The following PTPRD variants were observed in gnomAD, a reference collection of about 807,000 sequenced individuals.
PTPRD encodes receptor-type tyrosine-protein phosphatase delta.
In PTPRD, 34 loss-of-function variants were observed where a neutral mutation model predicts 214.5. That is an observed-to-expected ratio of 0.16 (90% CI 0.12 to 0.21). The LOEUF (loss-of-function observed/expected upper bound fraction) is 0.21. Among genes scored for constraint, PTPRD ranks in the 10% least tolerant of loss-of-function variants. The probability of loss-of-function intolerance (pLI) is 1.00; values close to 1 mark genes in which losing one functional copy is unlikely to be tolerated. For synonymous variants in PTPRD, 1,128 were observed against 845.7 expected (o/e 1.33, Z -5.79); for missense variants, 2,545 against 2,398.7 (o/e 1.06, Z -1.27).
At chr9:10,379,373 T>C (rs1006280651) in intron 2 of PTPRD, among the ~76,000 whole-genome samples, 1 of 151,928 alleles carries the variant, frequency 6.6e-6, no homozygotes, top group Non-Finnish European at 1.5e-5. Flanking sequence ...TCTTGTCTGA[T>C]TGCTCTAGCT....
At chr9:10,339,449 A>G (rs1320238267) in intron 3 of PTPRD, among the ~76,000 whole-genome samples, 1 of 151,672 alleles carries the variant, frequency 6.6e-6, no homozygotes, top group Non-Finnish European at 1.5e-5. Context: ...GAATCTTCAA[A>G]GCACAAAAAG....
intron 10 of PTPRD, among the ~76,000 whole-genome samples, chr9:9,034,751 T>C (rs1029814885): frequency 1.3e-5 from 2 of 152,156 alleles, no homozygotes; most frequent in Non-Finnish European, 2.9e-5. Flanking sequence ...CAGACTCATC[T>C]ATAAAATGGG....
rs1821867953 is a variant in PTPRD at position 8,316,498 on chromosome 9, T to TAGAC, written c.*1372_*1375dup. ...AATGCAAATTTCATAGCACATACTA[T>TAGAC]AGACAATATACGATTGAATACACTT... On this transcript the variant is annotated 3_prime_UTR_variant, in exon 46 of 46. Coordinates refer to ENST00000381196, the MANE Select transcript of PTPRD (RefSeq NM_002839.4). 4.3e-6 allele frequency: 1 copy of TAGAC among 230,370 alleles called. No homozygotes were observed. The highest frequency in any genetic ancestry group is 5.7e-5 in the Admixed American group (1 of 17,652). 14.3% of individuals were successfully genotyped at this position (230,370 alleles called of 1,614,324 possible).
chr9:8,774,001 C>G (rs917856334), intron 11 of PTPRD, among the ~76,000 whole-genome samples: 42 of 152,140 alleles, frequency 2.8e-4, no homozygotes, highest in African/African-American at 1.0e-3. Flanking sequence ...TTAGGCAGCC[C>G]TCCTCAACGC....
At chr9:10,543,990 G>A (rs1278143160) in intron 2 of PTPRD, among the ~76,000 whole-genome samples, 1 of 152,126 alleles carries the variant, frequency 6.6e-6, no homozygotes, top group Non-Finnish European at 1.5e-5. Context: ...ATGAATGCAT[G>A]TCTCAAGATC....
intron 2 of PTPRD, among the ~76,000 whole-genome samples, chr9:10,464,520 G>T (rs143691882): frequency 6.6e-6 from 1 of 151,408 alleles, no homozygotes; most frequent in Non-Finnish European, 1.5e-5. Context: ...TGAAGAGAAC[G>T]AAAGATAAAT....
At chr9:8,876,147 T>C (rs1453068297) in intron 11 of PTPRD, among the ~76,000 whole-genome samples, 6 of 152,206 alleles carry the variant, frequency 3.9e-5, no homozygotes, top group African/African-American at 1.4e-4. Context: ...CCTGATTTTG[T>C]GTTTCCACCA....
chr9:9,593,213 GT>G (rs1366085499), intron 7 of PTPRD, among the ~76,000 whole-genome samples: 6 of 148,244 alleles, frequency 4.0e-5, no homozygotes, highest in East Asian at 2.0e-4. Flanking sequence ...TTTTGTTTTT[GT>G]TTTTCCCCCC....
At chr9:9,204,158 G>C (rs779102279) in intron 9 of PTPRD, among the ~76,000 whole-genome samples, 1 of 152,138 alleles carries the variant, frequency 6.6e-6, no homozygotes, top group African/African-American at 2.4e-5. Context: ...AGGGACTTCT[G>C]ATTTCTAATC....
intron 3 of PTPRD, among the ~76,000 whole-genome samples, chr9:10,235,779 C>A (rs1009526276): frequency 2.6e-5 from 4 of 151,864 alleles, no homozygotes; most frequent in African/African-American, 9.7e-5. Context: ...ATCTAATGAG[C>A]GATTAAAATG....
At chr9:9,470,871 T>A (rs1005867839) in intron 8 of PTPRD, among the ~76,000 whole-genome samples, 2 of 152,176 alleles carry the variant, frequency 1.3e-5, no homozygotes, top group African/African-American at 4.8e-5. Context: ...TCAGGCAAGA[T>A]AAAACTACAG....
At chr9:9,528,538 G>T (rs1590812949) in intron 8 of PTPRD, among the ~76,000 whole-genome samples, 1 of 151,994 alleles carries the variant, frequency 6.6e-6, no homozygotes, top group Non-Finnish European at 1.5e-5. Flanking sequence ...CAAAAGTAGA[G>T]AACAAAATAC....
intron 11 of PTPRD, among the ~76,000 whole-genome samples, chr9:8,850,094 G>C (rs2097782620): frequency 6.6e-6 from 1 of 152,136 alleles, no homozygotes; most frequent in Non-Finnish European, 1.5e-5. Context: ...CTCAGATGAA[G>C]TATGAAGAAA....
intron 3 of PTPRD, among the ~76,000 whole-genome samples, chr9:10,292,736 C>A (rs181341813): frequency 3.3e-5 from 5 of 151,492 alleles, no homozygotes; most frequent in African/African-American, 1.2e-4. Flanking sequence ...TTTAACTTTC[C>A]GGCACTCTCC....
chr9:8,431,868 T>C (rs1350349027), intron 35 of PTPRD, among the ~76,000 whole-genome samples: 1 of 152,222 alleles, frequency 6.6e-6, no homozygotes, highest in African/African-American at 2.4e-5. Flanking sequence ...GGAGTCCCTC[T>C]TTTTCTATTG....
At chr9:8,459,360 A>G (rs1197447441) in intron 33 of PTPRD, among the ~76,000 whole-genome samples, 3 of 152,232 alleles carry the variant, frequency 2.0e-5, no homozygotes, top group South Asian at 2.1e-4. Context: ...ATTTCAAAAT[A>G]TAACACACCA....
chr9:10,525,447 C>T (rs73642005), intron 2 of PTPRD, among the ~76,000 whole-genome samples: 5 of 151,978 alleles, frequency 3.3e-5, no homozygotes, highest in East Asian at 1.9e-4. Context: ...GTACAAATTA[C>T]AGATGATATG....
At chr9:9,914,330 C>G (rs1281268998) in intron 5 of PTPRD, among the ~76,000 whole-genome samples, 3 of 152,156 alleles carry the variant, frequency 2.0e-5, no homozygotes, top group Admixed American at 2.0e-4. Flanking sequence ...CAAAGGCTTC[C>G]CCTAGTGGGC....
At chr9:9,280,636 A>T (rs1441015328) in intron 9 of PTPRD, among the ~76,000 whole-genome samples, 1 of 151,314 alleles carries the variant, frequency 6.6e-6, no homozygotes, top group Non-Finnish European at 1.5e-5. Context: ...AAGAAGAACT[A>T]AACAAATGGA....
Sources: gnomAD v4.1 joint callset for allele counts (sites outside exome capture counted in the v4.1 genomes callset) on GRCh38, gnomAD v4.1.1 for gene constraint, MANE v1.5 for transcripts, NCBI Gene and HGNC (gene_info 2026-07-23, HGNC 2026-07-21) for gene names.